The following VDAC2 variants were observed in gnomAD, a reference collection of about 807,000 sequenced individuals.
The protein encoded by VDAC2 is non-selective voltage-gated ion channel VDAC2.
VDAC2 carries 6 observed loss-of-function variants against 36.6 expected under a neutral mutation model. The ratio of observed to expected loss-of-function variants is 0.16; its 90% CI spans 0.09 to 0.32. VDAC2 has a LOEUF of 0.32. VDAC2 is among the 10% of genes least tolerant of loss of function. The pLI is 1.00. For synonymous variants in VDAC2, 109 were observed against 123.8 expected (o/e 0.88, Z 0.79); for missense variants, 247 against 346.0 (o/e 0.71, Z 2.27).
intron 8 of VDAC2, among the ~76,000 whole-genome samples, chr10:75,227,327 T>C (rs1841981582): frequency 6.6e-6 from 1 of 152,106 alleles, no homozygotes; most frequent in East Asian, 1.9e-4. Context: ...TCAGTTAGCA[T>C]TGAAAATGAG....
intron 2 of VDAC2, 85 bp from the exon 3 acceptor site, chr10:75,212,145 A>G (rs1242371425): frequency 1.1e-5 from 13 of 1,190,112 alleles, no homozygotes; most frequent in Middle Eastern, 1.9e-4. Flanking sequence ...TTGAATTTTA[A>G]TATCAGCAGT....
intron 4 of VDAC2, chr10:75,218,164 A>G (rs1841664956): frequency 5.8e-6 from 2 of 344,584 alleles, no homozygotes; most frequent in South Asian, 2.2e-5. Flanking sequence ...GGATTGGCAC[A>G]TTATTATTTT....
rs376104468 is a variant in VDAC2 at position 75,223,783 on chromosome 10, G to C, written c.735+1381G>C. ...GTGATTAGAGGGGGTGGGGAGAGGG[G>C]CTGTAGGTTTAATTGTTCACCAATG... On this transcript the variant is annotated intron_variant, in intron 8 of 9. Coordinates refer to ENST00000332211, the MANE Select transcript of VDAC2 (RefSeq NM_001391963.1). Among the ~76,000 whole-genome samples, 38 of 152,262 alleles carry C rather than the reference G, an allele frequency of 2.5e-4. No individual in the cohort carries two copies. The East Asian group carries it at 7.3e-3, about 29-fold the overall frequency.
chr10:75,229,252 C>T (rs1842041936), intron 8 of VDAC2: 1 of 151,734 alleles, frequency 6.6e-6, no homozygotes, highest in Admixed American at 6.6e-5. Context: ...TGAATTTAAA[C>T]TTTATACCCT....
upstream of VDAC2, among the ~76,000 whole-genome samples, chr10:75,210,392 G>A (rs12255133): frequency 1.3e-5 from 2 of 152,146 alleles, no homozygotes; most frequent in Non-Finnish European, 2.9e-5. Context: ...GCTTTGTTTC[G>A]GGGGGGAACC....
At chr10:75,221,356 CT>C (rs1162587769) in intron 7 of VDAC2, among the ~76,000 whole-genome samples, 3 of 150,814 alleles carry the variant, frequency 2.0e-5, no homozygotes, top group African/African-American at 7.3e-5. Context: ...TTTTTTCTTT[CT>C]TTTTTTGTTT....
rs1841475594 is a variant in VDAC2 at position 75,212,970 on chromosome 10, TGAG to T, written c.100+673_100+675del. 2.0e-5 allele frequency among the ~76,000 whole-genome samples: 3 copies of T among 152,212 alleles called. No individual in the cohort carries two copies. The South Asian group carries it at 6.2e-4, about 32-fold the overall frequency. On this transcript the variant is annotated intron_variant, in intron 3 of 9. Transcript: ENST00000332211. ...AGTTATGAGCTTTTTCAGGTGAATT[TGAG>T]TTTTCTTGAAAATTTTGTTCCATAC...
At chr10:75,215,222 T>A (rs997976163) in intron 4 of VDAC2, among the ~76,000 whole-genome samples, 4 of 151,938 alleles carry the variant, frequency 2.6e-5, no homozygotes, top group Admixed American at 2.0e-4. Flanking sequence ...CTAGTAAAAT[T>A]TAACTTTGTG....
intron 8 of VDAC2, among the ~76,000 whole-genome samples, chr10:75,228,377 C>T (rs10824292): frequency 6.6e-6 from 1 of 151,968 alleles, no homozygotes; most frequent in Non-Finnish European, 1.5e-5. Flanking sequence ...CCACTCACCC[C>T]CCACTTCCCT....
chr10:75,211,024 C>G, intron 1 of VDAC2, 86 bp downstream of exon 1: 1 of 1,092,768 alleles, frequency 9.2e-7, no homozygotes, highest in Non-Finnish European at 1.3e-6. Context: ...GGAGTCGGCC[C>G]TGGCTTCCTA....
At chr10:75,212,618 C>T (rs759436110) in intron 3 of VDAC2, among the ~76,000 whole-genome samples, 2 of 152,132 alleles carry the variant, frequency 1.3e-5, no homozygotes, top group Non-Finnish European at 2.9e-5. Flanking sequence ...TGGGGTCTCA[C>T]TGTGTTACCC....
At chr10:75,228,962 T>C (rs1012827145) in intron 8 of VDAC2, among the ~76,000 whole-genome samples, 2 of 152,272 alleles carry the variant, frequency 1.3e-5, no homozygotes, top group Admixed American at 1.3e-4. Flanking sequence ...AGTCGGTAAC[T>C]AAGTCCTAAA....
intron 2 of VDAC2, 40 bp downstream of exon 2, chr10:75,211,229 G>T (rs1322781398): frequency 5.6e-6 from 9 of 1,607,880 alleles, no homozygotes; most frequent in African/African-American, 1.3e-5. Flanking sequence ...GGGCGGCGGA[G>T]AGTCGAAGCC....
intron 8 of VDAC2, among the ~76,000 whole-genome samples, chr10:75,226,985 TA>T (rs1428472963): frequency 6.6e-6 from 1 of 152,068 alleles, no homozygotes; most frequent in African/African-American, 2.4e-5. Flanking sequence ...GAAGTCTCTG[TA>T]AAAACCCAAA....
At chr10:75,223,042 G>A (rs1841862076) in intron 8 of VDAC2, among the ~76,000 whole-genome samples, 1 of 148,652 alleles carries the variant, frequency 6.7e-6, no homozygotes, top group African/African-American at 2.5e-5. Context: ...GTGCAGTAGT[G>A]CGATCTTGGC....
intron 8 of VDAC2, among the ~76,000 whole-genome samples, chr10:75,226,863 T>A (rs1841968832): frequency 6.6e-6 from 1 of 152,212 alleles, no homozygotes; most frequent in South Asian, 2.1e-4. Context: ...TAGGGGGTGC[T>A]GGTTGCTAGG....
chr10:75,213,901 A>G, intron 3 of VDAC2, 120 bp from the exon 4 acceptor site: 4 of 948,598 alleles, frequency 4.2e-6, no homozygotes, highest in Non-Finnish European at 6.5e-6. Context: ...GTATATTAAC[A>G]CATTTTTATC....
rs773522358 is a variant in VDAC2 at position 75,230,930 on chromosome 10, G to A, written c.826G>A (p.Gly276Arg). The A allele has an allele frequency of 6.2e-7, 1 of 1,613,610 alleles. No homozygotes were observed. The highest frequency in any genetic ancestry group is 8.5e-7 in the Non-Finnish European group (1 of 1,179,752). Reference protein sequence around the residue: ...VKLTLSALVDGKSINAGGHKV... With the variant: ...VKLTLSALVDRKSINAGGHKV... ...GCTTACACTCTCTGCTCTGGTAGAT[G>A]GGAAGAGCATTAATGCTGGAGGCCA... The change falls in exon 10 of 10, where the codon GGG (glycine) becomes AGG (arginine). Residue 276 changes from glycine to arginine, a missense_variant. Around this residue, in one of 3 missense-constraint regions of VDAC2, gnomAD observed 159 missense variants for 234.0 expected, o/e 0.68. Transcript: ENST00000332211.
chr10:75,210,768 C>A, upstream of VDAC2: 1 of 176,108 alleles, frequency 5.7e-6, no homozygotes, highest in Non-Finnish European at 1.2e-5. Flanking sequence ...CGGACAGCCC[C>A]GGGGGCAGCG....
Sources: allele counts gnomAD v4.1 joint callset (sites outside exome capture counted in the v4.1 genomes callset), GRCh38; gene constraint gnomAD v4.1.1; regional missense constraint gnomAD v4.1.1; transcripts MANE v1.5; gene names NCBI Gene and HGNC (gene_info 2026-07-23, HGNC 2026-07-21).